Variants in FRMD3 observed in about 807,000 individuals in gnomAD.
The protein encoded by FRMD3 is FERM domain containing 3.
FRMD3 carries 33 observed loss-of-function variants against 70.2 expected under a neutral mutation model. The ratio of observed to expected loss-of-function variants is 0.47; its 90% CI spans 0.36 to 0.63. The LOEUF (loss-of-function observed/expected upper bound fraction) is 0.63. Ranked by LOEUF, FRMD3 falls within the 20% of genes least tolerant of loss-of-function variation. The pLI, the probability that FRMD3 is intolerant of heterozygous loss-of-function variation, is 0.00. For synonymous variants in FRMD3, 279 were observed against 255.9 expected, an observed-to-expected ratio of 1.09 and a Z score of -0.86; for missense variants, 632 against 711.4, an observed-to-expected ratio of 0.89 and a Z score of 1.27.
intron 13 of FRMD3, chr9:83,275,905 T>A (rs933861735): frequency 1.3e-5 from 2 of 152,224 alleles, no homozygotes; most frequent in African/African-American, 2.4e-5. Context: ...GAAACATGCA[T>A]GAGGAATTCT....
At chr9:83,457,087 T>A (rs979357771) in intron 1 of FRMD3, among the ~76,000 whole-genome samples, 1 of 152,204 alleles carries the variant, frequency 6.6e-6, no homozygotes, top group African/African-American at 2.4e-5. Context: ...GGCATGACAC[T>A]ATACCATAAA....
At chr9:83,498,910 G>A (rs1203227928) in intron 1 of FRMD3, among the ~76,000 whole-genome samples, 1 of 152,044 alleles carries the variant, frequency 6.6e-6, no homozygotes, top group African/African-American at 2.4e-5. Flanking sequence ...GATAAAGAAA[G>A]GCTTTACTGT....
Position 83,246,733 on chromosome 9 carries a change from A to G in FRMD3, c.*1185T>C. 1.0e-6 allele frequency: 1 copy of G among 985,174 alleles called. No homozygotes were observed. The highest frequency in any genetic ancestry group is 1.2e-6 in the Non-Finnish European group (1 of 829,868). 61.0% of individuals were successfully genotyped at this position (985,174 alleles called of 1,614,324 possible). A position where few individuals can be genotyped will look rare whatever the true frequency, so the allele number is the denominator to read the frequency against. On this transcript the variant is annotated 3_prime_UTR_variant, in exon 14 of 14. Coordinates refer to ENST00000304195, the MANE Select transcript of FRMD3 (RefSeq NM_174938.6). ...TTTGAAGTTTCTTCTACAGAATCAC[A>G]ACAAATGGCATGAGGGATCAAAATA...
At position 83,538,205 on chromosome 9, in the gene FRMD3, C is replaced by A; in HGVS notation, c.27G>T (p.Pro9=). Residue 9 remains proline (P), a synonymous_variant, in exon 1 of 14, where the codon CCG becomes CCT. Coordinates refer to ENST00000304195, the MANE Select transcript of FRMD3 (RefSeq NM_174938.6). The surrounding 1 kb of genome is among the most constrained non-coding windows in gnomAD (Gnocchi z 4.7). ...TCATTTTCATGGTCCTCCTGCCTCTCGGCACACAGTGGCAGGAGGCGAACA... is the reference window on the plus strand; with the variant it reads ...TCATTTTCATGGTCCTCCTGCCTCTAGGCACACAGTGGCAGGAGGCGAACA... The part of the protein sequence containing the change: MFASCHCV[P]RGRRTMKMIH... 2 of 1,592,132 alleles carry A rather than the reference C, an allele frequency of 1.3e-6. No individual in the cohort carries two copies. The highest frequency in any genetic ancestry group is 1.7e-6 in the Non-Finnish European group (2 of 1,168,302).
At chr9:83,504,176 T>A (rs1212024855) in intron 1 of FRMD3, among the ~76,000 whole-genome samples, 1 of 152,156 alleles carries the variant, frequency 6.6e-6, no homozygotes, top group African/African-American at 2.4e-5. Context: ...CCAGTGCTTA[T>A]CATCTCCTGA....
At chr9:83,309,288 A>ACACACACG (rs1554685551) in intron 10 of FRMD3, among the ~76,000 whole-genome samples, 13 of 151,696 alleles carry the variant, frequency 8.6e-5, no homozygotes, top group African/African-American at 2.4e-4. Context: ...ACACACACAC[A>ACACACACG]CACACACACA....
chr9:83,352,491 G>C (rs961111631), intron 3 of FRMD3, among the ~76,000 whole-genome samples: 2 of 152,156 alleles, frequency 1.3e-5, no homozygotes, highest in African/African-American at 4.8e-5. Flanking sequence ...GCTCCCCAGT[G>C]CTCTCCTTGA....
intron 2 of FRMD3, among the ~76,000 whole-genome samples, chr9:83,373,795 G>T (rs532197673): frequency 2.4e-4 from 36 of 152,248 alleles, no homozygotes; most frequent in African/African-American, 8.7e-4. Context: ...CCATCCTGAG[G>T]TCAGGGAGCT....
At chr9:83,412,783 T>G (rs1826317571) in intron 1 of FRMD3, among the ~76,000 whole-genome samples, 1 of 151,968 alleles carries the variant, frequency 6.6e-6, no homozygotes, top group Non-Finnish European at 1.5e-5. Flanking sequence ...TAACCTGAGG[T>G]CAGGAGTTCG....
At chr9:83,471,688 C>A (rs989529259) in intron 1 of FRMD3, among the ~76,000 whole-genome samples, 1 of 152,224 alleles carries the variant, frequency 6.6e-6, no homozygotes, top group African/African-American at 2.4e-5. Context: ...TTTCTGACCA[C>A]AATGGGCTAG....
chr9:83,582,696 T>C, the FRMD3 span, among the ~76,000 whole-genome samples: 1 of 152,160 alleles, frequency 6.6e-6, no homozygotes, highest in African/African-American at 2.4e-5. Flanking sequence ...TTAATGCAAA[T>C]TTAGAAGAAA....
intron 1 of FRMD3, among the ~76,000 whole-genome samples, chr9:83,431,995 G>A (rs889151050): frequency 1.3e-5 from 2 of 152,178 alleles, no homozygotes; most frequent in Non-Finnish European, 1.5e-5. Flanking sequence ...GAAGGAACCC[G>A]TGGCAGCTCG....
chr9:83,507,624 C>G (rs1233274049), intron 1 of FRMD3, among the ~76,000 whole-genome samples: 1 of 139,592 alleles, frequency 7.2e-6, no homozygotes, highest in East Asian at 2.1e-4. Flanking sequence ...GAGCCATGAT[C>G]GCGCCACTGC....
chr9:83,375,177 A>G (rs1825102725), intron 2 of FRMD3, among the ~76,000 whole-genome samples: 1 of 152,174 alleles, frequency 6.6e-6, no homozygotes, highest in African/African-American at 2.4e-5. Flanking sequence ...GCCATGATGG[A>G]TTGGCTATGT....
chr9:83,281,140 C>T (rs1293363309), intron 13 of FRMD3, among the ~76,000 whole-genome samples: 1 of 152,164 alleles, frequency 6.6e-6, no homozygotes, highest in Non-Finnish European at 1.5e-5. Flanking sequence ...GAGATCCTGT[C>T]TCAATTTAAG....
At chr9:83,391,670 A>T (rs1379865732) in intron 1 of FRMD3, among the ~76,000 whole-genome samples, 1 of 152,116 alleles carries the variant, frequency 6.6e-6, no homozygotes, top group African/African-American at 2.4e-5. Context: ...CTCCAGCAAG[A>T]TCTCCATTGA....
intron 1 of FRMD3, among the ~76,000 whole-genome samples, chr9:83,477,152 G>A (rs1358611025): frequency 6.6e-6 from 1 of 152,304 alleles, no homozygotes; most frequent in South Asian, 2.1e-4. Context: ...CAATTATCAG[G>A]CTGGACCTAC....
At chr9:83,312,788 A>G (rs1835414578) in intron 7 of FRMD3, among the ~76,000 whole-genome samples, 1 of 134,442 alleles carries the variant, frequency 7.4e-6, no homozygotes, top group South Asian at 2.7e-4. Context: ...CCTCCCCAGC[A>G]GATCCTGACG....
At chr9:83,452,816 A>C (rs1271421566) in intron 1 of FRMD3, among the ~76,000 whole-genome samples, 4 of 141,608 alleles carry the variant, frequency 2.8e-5, no homozygotes, top group Non-Finnish European at 4.6e-5. Flanking sequence ...GCTTAAGAAT[A>C]CTTGTGAAAG....
Sources: allele counts gnomAD v4.1 joint callset (sites outside exome capture counted in the v4.1 genomes callset), GRCh38; gene constraint gnomAD v4.1.1; non-coding constraint Gnocchi (gnomAD v3.1); transcripts MANE v1.5; gene names NCBI Gene and HGNC (gene_info 2026-07-23, HGNC 2026-07-21).